The following PBLD variants were observed in gnomAD, a reference collection of about 807,000 sequenced individuals.
PBLD encodes the protein phenazine biosynthesis like protein domain containing, also known as phenazine biosynthesis-like domain-containing protein.
PBLD carries 26 observed loss-of-function variants against 31.3 expected under a neutral mutation model. The observed-to-expected ratio is 0.83, with a 90% confidence interval of 0.61 to 1.15. The LOEUF (loss-of-function observed/expected upper bound fraction) is 1.15, where lower values mean the gene tolerates loss of function less well. Ranked by LOEUF, PBLD falls within the 50% of genes most tolerant of loss-of-function variation. The pLI is 0.00. For missense variants in PBLD, 307 were observed against 351.7 expected (o/e 0.87, Z 1.02); for synonymous variants, 114 against 129.0 (o/e 0.88, Z 0.79).
chr10:68,315,436 T>C (rs1006804304), intron 1 of PBLD, among the ~76,000 whole-genome samples: 2 of 151,700 alleles, frequency 1.3e-5, no homozygotes, highest in African/African-American at 4.8e-5. Flanking sequence ...AATACAAAAA[T>C]CAGCTGAGCA....
At chr10:68,324,029 T>C (rs1211325741) in intron 1 of PBLD, among the ~76,000 whole-genome samples, 4 of 152,220 alleles carry the variant, frequency 2.6e-5, no homozygotes, top group Non-Finnish European at 5.9e-5. Context: ...GTATTTCCTA[T>C]GTCAGTTAAA....
At chr10:68,290,544 C>A (rs1410471204) in intron 6 of PBLD, among the ~76,000 whole-genome samples, 6 of 152,024 alleles carry the variant, frequency 3.9e-5, no homozygotes, top group Non-Finnish European at 8.8e-5. Flanking sequence ...ATGGAGACAC[C>A]CCGTCTCCAC....
chr10:68,306,086 G>A (rs1355502157), intron 2 of PBLD, among the ~76,000 whole-genome samples: 1 of 151,148 alleles, frequency 6.6e-6, no homozygotes, highest in African/African-American at 2.5e-5. Context: ...GACCTTGAGG[G>A]TCAATATTTA....
At chr10:68,316,368 G>C (rs2044736300) in intron 1 of PBLD, among the ~76,000 whole-genome samples, 1 of 151,970 alleles carries the variant, frequency 6.6e-6, no homozygotes, top group South Asian at 2.1e-4. Context: ...TAATTAGAGA[G>C]GTCCAACAGC....
At chr10:68,309,025 A>T (rs1441610940) in intron 1 of PBLD, among the ~76,000 whole-genome samples, 1 of 150,156 alleles carries the variant, frequency 6.7e-6, no homozygotes, top group African/African-American at 2.5e-5. Context: ...AGAGTGATGT[A>T]TATTTGTCCC....
intron 1 of PBLD, among the ~76,000 whole-genome samples, chr10:68,327,087 A>G (rs2044934036): frequency 6.6e-6 from 1 of 152,162 alleles, no homozygotes. Flanking sequence ...TGGGGTTCAG[A>G]AAAGTTAACT....
At chr10:68,318,231 T>C (rs2044763495) in intron 1 of PBLD, among the ~76,000 whole-genome samples, 1 of 151,156 alleles carries the variant, frequency 6.6e-6, no homozygotes, top group South Asian at 2.1e-4. Context: ...TGTCTCTAAA[T>C]AAATAAATAA....
intron 2 of PBLD, among the ~76,000 whole-genome samples, chr10:68,303,349 G>T (rs2044531173): frequency 6.6e-6 from 1 of 151,606 alleles, no homozygotes; most frequent in South Asian, 2.1e-4. Flanking sequence ...GCCTCCCAAA[G>T]TGCTGGGATT....
intron 1 of PBLD, among the ~76,000 whole-genome samples, chr10:68,309,732 C>CA (rs1193174486): frequency 1.4e-5 from 2 of 144,102 alleles, no homozygotes; most frequent in Non-Finnish European, 3.0e-5. Context: ...CGCTTGAACA[C>CA]AGAGTCAGAG....
At chr10:68,319,391 T>C (rs2044798131) in intron 1 of PBLD, among the ~76,000 whole-genome samples, 1 of 152,060 alleles carries the variant, frequency 6.6e-6, no homozygotes, top group Non-Finnish European at 1.5e-5. Flanking sequence ...CTTCAAAAAG[T>C]AATCTAACTT....
intron 1 of PBLD, among the ~76,000 whole-genome samples, chr10:68,318,031 T>G (rs886179587): frequency 6.6e-6 from 1 of 151,818 alleles, no homozygotes; most frequent in Non-Finnish European, 1.5e-5. Flanking sequence ...ATCGAGACCA[T>G]CCTGGATAAC....
intron 8 of PBLD, 108 bp downstream of exon 8, chr10:68,288,375 G>A: frequency 8.2e-7 from 1 of 1,212,642 alleles, no homozygotes; most frequent in East Asian, 2.4e-5. Flanking sequence ...GAACAAGGCA[G>A]CTCAAAACTC....
intron 1 of PBLD, among the ~76,000 whole-genome samples, chr10:68,308,260 C>G (rs548167938): frequency 2.2e-4 from 34 of 152,326 alleles, no homozygotes; most frequent in Non-Finnish European, 4.3e-4. Context: ...AGTTGTTTAA[C>G]CATATCCCTT....
chr10:68,298,071 C>A (rs2044454969), intron 2 of PBLD, among the ~76,000 whole-genome samples: 1 of 136,400 alleles, frequency 7.3e-6, no homozygotes, highest in South Asian at 2.4e-4. Flanking sequence ...TTCAAGACCA[C>A]CCCCCAGTCT....
At chr10:68,319,452 A>C (rs1280898265) in intron 1 of PBLD, among the ~76,000 whole-genome samples, 1 of 152,190 alleles carries the variant, frequency 6.6e-6, no homozygotes, top group Non-Finnish European at 1.5e-5. Flanking sequence ...GGAGGCCAAG[A>C]CAGGTGGATT....
Position 68,283,999 on chromosome 10 carries a change from G to A in PBLD, c.*178C>T. ...TGACCTCAGGTGATCCACCCACCTT[G>A]GCCTCTCAAAGTGCTACGATTACAG... On this transcript the variant is annotated 3_prime_UTR_variant, in exon 10 of 10. Transcript: ENST00000358769. 1 of 511,286 alleles carries A rather than the reference G, an allele frequency of 2.0e-6. No homozygotes were observed. Among genetic ancestry groups the A allele is most frequent in the Non-Finnish European group, 3.5e-6 (1 of 287,872 alleles). The allele number at this position is 511,286 out of a possible 1,614,324, so 31.7% of individuals were successfully genotyped here.
intron 8 of PBLD, among the ~76,000 whole-genome samples, chr10:68,285,706 T>C (rs1055332757): frequency 5.3e-5 from 8 of 152,100 alleles, no homozygotes; most frequent in African/African-American, 1.9e-4. Flanking sequence ...TGAGACACAG[T>C]CTTGCTCTGT....
At chr10:68,307,075 C>T (rs1190415209) in intron 1 of PBLD, among the ~76,000 whole-genome samples, 172 bp from the exon 2 acceptor site, 7 of 152,132 alleles carry the variant, frequency 4.6e-5, no homozygotes, top group Non-Finnish European at 7.3e-5. Context: ...GTTGCCCAGG[C>T]GGGAGTGCAG....
In PBLD at chr10:68,292,032, T is replaced by G. The variant is rs950529537; in HGVS notation, c.401A>C (p.His134Pro). 6.3e-7 allele frequency: 1 copy of G among 1,591,250 alleles called. No homozygotes were observed. Among genetic ancestry groups the G allele is most frequent in the Non-Finnish European group, 8.6e-7 (1 of 1,159,760 alleles). The part of the protein sequence containing the change: ...PLYPAHPQDF[H>P]EVEDLIKTAI... ...AACCTTTATCAAGTCCTCTACTTCA[T>G]GGAAGTCCTAGATGGGGGGAAAAAA... Residue 134 changes from histidine (H) to proline (P), a missense_variant, in exon 6 of 10, where the codon CAT becomes CCT. Physicochemically the swap from His to Pro is moderately conservative, Grantham distance 77 (BLOSUM62 -2). Coordinates refer to ENST00000358769, the MANE Select transcript of PBLD (RefSeq NM_022129.4).
Sources: gnomAD v4.1 joint callset for allele counts (sites outside exome capture counted in the v4.1 genomes callset) on GRCh38, gnomAD v4.1.1 for gene constraint, MANE v1.5 for transcripts, NCBI Gene and HGNC (gene_info 2026-07-23, HGNC 2026-07-21) for gene names.